ANKS1B: variants seen among roughly 807,000 people sequenced by gnomAD.
ANKS1B encodes ankyrin repeat and sterile alpha motif domain-containing protein 1B.
A neutral mutation model predicts 148.3 loss-of-function variants in ANKS1B; 36 were observed. The ratio of observed to expected loss-of-function variants is 0.24; its 90% confidence interval spans 0.19 to 0.32. The LOEUF (loss-of-function observed/expected upper bound fraction) is 0.32. Ranked by LOEUF, ANKS1B falls within the 10% of genes least tolerant of loss-of-function variation. The pLI, the probability that ANKS1B is intolerant of heterozygous loss-of-function variation, is 1.00. For missense variants in ANKS1B, 1,157 were observed against 1,542.6 expected (o/e 0.75, Z 4.19); for synonymous variants, 542 against 560.8 (o/e 0.97, Z 0.47).
intron 8 of ANKS1B, among the ~76,000 whole-genome samples, chr12:99,742,558 G>T (rs763264287): frequency 1.3e-5 from 2 of 151,346 alleles, no homozygotes; most frequent in Non-Finnish European, 3.0e-5. Context: ...AATTTGGCTG[G>T]GTGCAGTGAA....
chr12:99,596,820 C>T (rs2097761987), intron 9 of ANKS1B, among the ~76,000 whole-genome samples: 1 of 151,796 alleles, frequency 6.6e-6, no homozygotes, highest in African/African-American at 2.4e-5. Flanking sequence ...GCTACTTTTA[C>T]CTCAGGATAG....
chr12:98,922,578 A>T (rs541686748), intron 17 of ANKS1B, among the ~76,000 whole-genome samples: 1 of 152,230 alleles, frequency 6.6e-6, no homozygotes, highest in South Asian at 2.1e-4. Flanking sequence ...GGCTCACTGC[A>T]ACCTCTGCCT....
intron 22 of ANKS1B, among the ~76,000 whole-genome samples, chr12:98,783,684 C>T (rs1004741354): frequency 5.3e-5 from 8 of 152,082 alleles, no homozygotes; most frequent in Non-Finnish European, 7.3e-5. Context: ...CTAATACATG[C>T]ACAGAGGCCT....
chr12:99,891,839 A>G (rs1368145763), intron 1 of ANKS1B, among the ~76,000 whole-genome samples: 2 of 152,176 alleles, frequency 1.3e-5, no homozygotes, highest in Non-Finnish European at 2.9e-5. Context: ...TGAATAATTT[A>G]TAGATGAAAT....
At chr12:99,665,644 G>A (rs1251341637) in intron 8 of ANKS1B, among the ~76,000 whole-genome samples, 3 of 151,822 alleles carry the variant, frequency 2.0e-5, no homozygotes, top group Non-Finnish European at 2.9e-5. Flanking sequence ...CCACCACCAC[G>A]CCCGGCTAAT....
At chr12:99,306,844 C>A (rs1448487142) in intron 12 of ANKS1B, among the ~76,000 whole-genome samples, 1 of 151,798 alleles carries the variant, frequency 6.6e-6, no homozygotes, top group Non-Finnish European at 1.5e-5. Flanking sequence ...TTTTTTTAAC[C>A]TCAAGGAAGG....
chr12:99,074,384 T>C (rs1327292404), intron 16 of ANKS1B, among the ~76,000 whole-genome samples: 2 of 150,952 alleles, frequency 1.3e-5, no homozygotes, highest in Non-Finnish European at 2.9e-5. Context: ...AAGAATGTAG[T>C]AGCCATCTTG....
intron 16 of ANKS1B, among the ~76,000 whole-genome samples, chr12:99,077,786 C>G (rs1020398143): frequency 6.6e-6 from 1 of 152,130 alleles, no homozygotes; most frequent in African/African-American, 2.4e-5. Flanking sequence ...CTTAAAGACT[C>G]TAGTTCTTTC....
chr12:99,716,964 C>T (rs1040699481), intron 8 of ANKS1B, among the ~76,000 whole-genome samples: 5 of 152,172 alleles, frequency 3.3e-5, no homozygotes, highest in African/African-American at 1.2e-4. Flanking sequence ...GTGACTAGCC[C>T]TCACCCACCT....
rs558840956 is a variant in ANKS1B at position 99,215,344 on chromosome 12, G to C, written c.2419+28998C>G. Among the ~76,000 whole-genome samples, 86 of 152,318 alleles carry C rather than the reference G, an allele frequency of 5.6e-4. 1 individual carries two copies. Among genetic ancestry groups the C allele is most frequent in the African/African-American group, 1.6e-3 (65 of 41,574 alleles). ...TAGGGCAGTCTGGAAGGGAAATGTG[G>C]GGTCAGATCCCCCACACAGAGTCCC... is the stretch of plus-strand genomic sequence containing the variant. On this transcript the variant is annotated intron_variant, in intron 14 of 26. Transcript: ENST00000683438.
In ANKS1B at chr12:99,498,941, C is replaced by T. The variant is rs200865901; in HGVS notation, c.1438+5535G>A. On this transcript the variant is annotated intron_variant, in intron 10 of 26. Transcript: ENST00000683438. Reference sequence around the variant, plus strand: ...GGGAAATGCATAGCTAGGTATGAGTCACAAGGGACTAGTCATAGCAGTTGA... The same window carrying T: ...GGGAAATGCATAGCTAGGTATGAGTTACAAGGGACTAGTCATAGCAGTTGA... Among the ~76,000 whole-genome samples, 16 of 152,294 alleles carry T rather than the reference C, an allele frequency of 1.1e-4. No homozygotes were observed. The East Asian group carries it at 3.1e-3, about 29-fold the overall frequency.
chr12:99,063,964 G>C (rs1230403220), intron 16 of ANKS1B, among the ~76,000 whole-genome samples: 3 of 152,112 alleles, frequency 2.0e-5, no homozygotes, highest in Non-Finnish European at 4.4e-5. Context: ...AAAGAATAAA[G>C]AGAAACATAA....
At chr12:99,956,151 G>A (rs1463854476) in intron 1 of ANKS1B, among the ~76,000 whole-genome samples, 2 of 151,748 alleles carry the variant, frequency 1.3e-5, no homozygotes, top group Admixed American at 6.6e-5. Flanking sequence ...GGTGGTGGGC[G>A]CCTATAATCC....
At chr12:99,765,296 G>T (rs1359814445) in intron 8 of ANKS1B, among the ~76,000 whole-genome samples, 1 of 152,124 alleles carries the variant, frequency 6.6e-6, no homozygotes, top group Non-Finnish European at 1.5e-5. Flanking sequence ...CTTAATAAAT[G>T]CTAGCTTCTA....
chr12:99,699,043 A>G (rs1474113805), intron 8 of ANKS1B, among the ~76,000 whole-genome samples: 1 of 152,008 alleles, frequency 6.6e-6, no homozygotes, highest in African/African-American at 2.4e-5. Flanking sequence ...TTATTTTTCA[A>G]ATTTATTCAT....
intron 1 of ANKS1B, among the ~76,000 whole-genome samples, chr12:99,895,678 C>T (rs966481824): frequency 3.3e-5 from 5 of 150,460 alleles, no homozygotes; most frequent in Admixed American, 1.3e-4. Context: ...ACAAAAAAAA[C>T]AGAAATAGAT....
At chr12:99,486,245 C>T (rs894913424) in intron 10 of ANKS1B, among the ~76,000 whole-genome samples, 1 of 151,516 alleles carries the variant, frequency 6.6e-6, no homozygotes, top group Admixed American at 6.6e-5. Flanking sequence ...GACTTTAATG[C>T]TTATAGTTAA....
At chr12:99,465,665 T>G (rs553116318) in intron 10 of ANKS1B, among the ~76,000 whole-genome samples, 1 of 152,102 alleles carries the variant, frequency 6.6e-6, no homozygotes, top group South Asian at 2.1e-4. Flanking sequence ...AAAACAGACT[T>G]TAAACCAACA....
At chr12:99,046,829 A>G (rs1455811960) in intron 17 of ANKS1B, among the ~76,000 whole-genome samples, 3 of 148,456 alleles carry the variant, frequency 2.0e-5, no homozygotes, top group African/African-American at 7.3e-5. Flanking sequence ...AAAAAAAAAG[A>G]AAAAGAAAGA....
Sources: allele counts gnomAD v4.1 joint callset (sites outside exome capture counted in the v4.1 genomes callset), GRCh38; gene constraint gnomAD v4.1.1; transcripts MANE v1.5; gene names NCBI Gene and HGNC (gene_info 2026-07-23, HGNC 2026-07-21).